Variants in GALNTL6 observed in about 807,000 individuals in gnomAD.
The protein encoded by GALNTL6 is polypeptide N-acetylgalactosaminyltransferase-like 6.
Under a neutral mutation model 73.7 loss-of-function variants are expected in GALNTL6, and 46 were observed. That is an observed-to-expected ratio of 0.62 (90% CI 0.49 to 0.80). The LOEUF is 0.80. GALNTL6 is among the 30% of genes least tolerant of loss of function. The pLI is 0.00. For synonymous variants in GALNTL6, 259 were observed against 263.7 expected (o/e 0.98, Z 0.17); for missense variants, 604 against 755.0 (o/e 0.80, Z 2.34).
chr4:172,947,815 C>G lies in GALNTL6; in HGVS notation c.1150-4222C>G, dbSNP rs13147310. Among the ~76,000 whole-genome samples the G allele has an allele frequency of 3.4e-4, 51 of 152,214 alleles. No individual in the cohort carries two copies. The South Asian group carries it at 8.1e-3, about 24-fold the overall frequency. Reference sequence around the variant, plus strand: ...TCTGTGTATGTGAATGTGTGGTATGCGTGCTCCTATATAAATACCCTGACG... The same window carrying G: ...TCTGTGTATGTGAATGTGTGGTATGGGTGCTCCTATATAAATACCCTGACG... On this transcript the variant is annotated intron_variant, in intron 9 of 12. Transcript: ENST00000506823.
intron 2 of GALNTL6, among the ~76,000 whole-genome samples, chr4:171,941,595 A>T (rs953971052): frequency 1.3e-5 from 2 of 152,178 alleles, no homozygotes; most frequent in Non-Finnish European, 2.9e-5. Flanking sequence ...GATTACTTTG[A>T]GGAAGTTCTT....
intron 5 of GALNTL6, among the ~76,000 whole-genome samples, chr4:172,519,975 A>G (rs899500371): frequency 2.0e-5 from 3 of 151,922 alleles, no homozygotes; most frequent in African/African-American, 7.2e-5. Context: ...GGATTAGCTG[A>G]TAATTATAGT....
intron 2 of GALNTL6, among the ~76,000 whole-genome samples, chr4:172,188,887 C>T (rs753047180): frequency 6.6e-6 from 1 of 152,144 alleles, no homozygotes; most frequent in Non-Finnish European, 1.5e-5. Flanking sequence ...GGACAGTGTA[C>T]AAGTGGTGCA....
intron 2 of GALNTL6, among the ~76,000 whole-genome samples, chr4:171,849,941 G>A (rs564895640): frequency 5.9e-5 from 9 of 152,278 alleles, no homozygotes; most frequent in Non-Finnish European, 8.8e-5. Flanking sequence ...TGTGCATGTT[G>A]CATATGAACT....
At chr4:172,529,006 T>TATAC (rs200133148) in intron 5 of GALNTL6, among the ~76,000 whole-genome samples, 3 of 31,676 alleles carry the variant, frequency 9.5e-5, no homozygotes, top group South Asian at 2.6e-3. Context: ...TATATATATA[T>TATAC]ACACACACAC....
chr4:172,474,467 G>A (rs910720765), intron 5 of GALNTL6, among the ~76,000 whole-genome samples: 7 of 152,254 alleles, frequency 4.6e-5, no homozygotes, highest in African/African-American at 1.7e-4. Context: ...TTGCCCATTG[G>A]TATCCCAGAG....
At chr4:172,781,997 A>G (rs1384482246) in intron 5 of GALNTL6, among the ~76,000 whole-genome samples, 1 of 151,870 alleles carries the variant, frequency 6.6e-6, no homozygotes, top group Non-Finnish European at 1.5e-5. Context: ...CTAAGGCTTG[A>G]GTCTTTGGGA....
chr4:172,579,815 AAGGAAGGAGGG>A (rs1737103418), intron 5 of GALNTL6, among the ~76,000 whole-genome samples: 2 of 143,066 alleles, frequency 1.4e-5, no homozygotes, highest in Non-Finnish European at 3.1e-5. Context: ...GGAAGGAGGG[AAGGAAGGAGGG>A]AAGGAAGGAG....
intron 8 of GALNTL6, among the ~76,000 whole-genome samples, chr4:172,890,886 T>A (rs1252282602): frequency 2.6e-5 from 4 of 152,242 alleles, no homozygotes; most frequent in Admixed American, 2.6e-4. Context: ...GTTTGGTGCA[T>A]ATAGATTTAT....
At chr4:172,672,183 G>C (rs1158739826) in intron 5 of GALNTL6, among the ~76,000 whole-genome samples, 1 of 152,170 alleles carries the variant, frequency 6.6e-6, no homozygotes. Context: ...GAGCCAGCAT[G>C]CCTGACCAAT....
At chr4:172,690,385 A>G (rs1324269095) in intron 5 of GALNTL6, among the ~76,000 whole-genome samples, 1 of 152,198 alleles carries the variant, frequency 6.6e-6, no homozygotes, top group African/African-American at 2.4e-5. Flanking sequence ...TACCTCTTAT[A>G]TTTATCACAC....
At chr4:172,182,729 T>A (rs1368793090) in intron 2 of GALNTL6, among the ~76,000 whole-genome samples, 4 of 151,956 alleles carry the variant, frequency 2.6e-5, no homozygotes, top group Non-Finnish European at 4.4e-5. Flanking sequence ...ATACATTTTT[T>A]AAATGTGCAT....
At chr4:172,873,431 G>A (rs1186112000) in intron 7 of GALNTL6, among the ~76,000 whole-genome samples, 4 of 152,172 alleles carry the variant, frequency 2.6e-5, no homozygotes, top group Non-Finnish European at 5.9e-5. Context: ...AAGTCACAGG[G>A]GGTGAAGTCT....
chr4:173,014,245 G>A (rs1752683166), intron 11 of GALNTL6, among the ~76,000 whole-genome samples: 1 of 152,178 alleles, frequency 6.6e-6, no homozygotes, highest in Non-Finnish European at 1.5e-5. Flanking sequence ...TTGATATCAT[G>A]GTAGCATTAT....
At position 172,029,852 on chromosome 4, in the gene GALNTL6, A is replaced by G. The variant is rs1010153515; in HGVS notation, c.139-199804A>G. On this transcript the variant is annotated intron_variant, in intron 2 of 12. Coordinates refer to ENST00000506823, the MANE Select transcript of GALNTL6 (RefSeq NM_001034845.3). ...GTTTTATGATTTTTATAGAATTAAT[A>G]TTTGTGTGATGCTCTAGAAGACCAA... 1.2e-4 allele frequency among the ~76,000 whole-genome samples: 19 copies of G among 152,214 alleles called. No homozygotes were observed. In the South Asian group the frequency reaches 2.3e-3, roughly 18 times the overall value.
At chr4:172,999,237 C>T (rs1363569866) in intron 10 of GALNTL6, among the ~76,000 whole-genome samples, 1 of 152,148 alleles carries the variant, frequency 6.6e-6, no homozygotes, top group Non-Finnish European at 1.5e-5. Flanking sequence ...CAGGACATAG[C>T]AGCTGCTGCT....
chr4:172,720,373 G>C (rs983090657), intron 5 of GALNTL6, among the ~76,000 whole-genome samples: 1 of 152,118 alleles, frequency 6.6e-6, no homozygotes, highest in Non-Finnish European at 1.5e-5. Flanking sequence ...CAAATCCCAC[G>C]TTCCACACAG....
intron 2 of GALNTL6, among the ~76,000 whole-genome samples, chr4:171,891,153 A>T (rs1460690267): frequency 1.3e-5 from 2 of 152,208 alleles, no homozygotes. Flanking sequence ...TCAAAGATTC[A>T]TGATTCCACT....
chr4:172,219,615 T>A (rs1274591169), intron 2 of GALNTL6, among the ~76,000 whole-genome samples: 1 of 151,918 alleles, frequency 6.6e-6, no homozygotes, highest in Non-Finnish European at 1.5e-5. Context: ...TTGAACAAGA[T>A]ACTTTAAATT....
Sources: gnomAD v4.1 joint callset for allele counts (sites outside exome capture counted in the v4.1 genomes callset) on GRCh38, gnomAD v4.1.1 for gene constraint, MANE v1.5 for transcripts, NCBI Gene and HGNC (gene_info 2026-07-23, HGNC 2026-07-21) for gene names.